UBE2H: variants seen among roughly 807,000 people sequenced by gnomAD.
UBE2H encodes the protein ubiquitin-conjugating enzyme E2 H.
UBE2H carries 3 observed loss-of-function variants against 29.0 expected under a neutral mutation model. The observed-to-expected ratio is 0.10, with a 90% CI of 0.05 to 0.27. UBE2H has a LOEUF of 0.27. Ranked by LOEUF, UBE2H falls within the 10% of genes least tolerant of loss-of-function variation. UBE2H has a pLI of 1.00. For synonymous variants in UBE2H, 69 were observed against 82.9 expected (o/e 0.83, Z 0.91); for missense variants, 68 against 228.2 (o/e 0.30, Z 4.52).
At chr7:129,934,991 A>ATG (rs1259308322) in intron 1 of UBE2H, among the ~76,000 whole-genome samples, 1 of 150,860 alleles carries the variant, frequency 6.6e-6, no homozygotes, top group East Asian at 1.9e-4. Flanking sequence ...GTGTATATAT[A>ATG]TGTGTGTGTA....
At chr7:129,908,268 C>G (rs1330449106) in intron 1 of UBE2H, among the ~76,000 whole-genome samples, 1 of 152,168 alleles carries the variant, frequency 6.6e-6, no homozygotes, top group Admixed American at 6.6e-5. Context: ...TTAAAGCATG[C>G]CCATGAATAA....
intron 5 of UBE2H, among the ~76,000 whole-genome samples, chr7:129,844,758 C>T (rs1195371926): frequency 6.6e-6 from 1 of 152,218 alleles, no homozygotes. Context: ...ACTGACTCTT[C>T]AGTCTGATCT....
Position 129,863,861 on chromosome 7 carries a change from T to A in UBE2H, c.206-4920A>T, listed in dbSNP as rs183164142. ...CTTCGTCACCCAGGCAGGAGTGTGG[T>A]GGTGCAGCACCTTGCTCACTGCAAC... On this transcript the variant is annotated intron_variant, in intron 3 of 6. Coordinates refer to ENST00000355621, the MANE Select transcript of UBE2H (RefSeq NM_003344.4). Among the ~76,000 whole-genome samples the A allele has an allele frequency of 5.1e-3, 747 of 147,796 alleles. 27 individuals carry two copies. Among genetic ancestry groups the A allele is most frequent in the Admixed American group, 0.047 (669 of 14,252 alleles).
intron 1 of UBE2H, among the ~76,000 whole-genome samples, chr7:129,886,505 G>A (rs1011189240): frequency 6.6e-6 from 1 of 152,122 alleles, no homozygotes; most frequent in African/African-American, 2.4e-5. Flanking sequence ...GACAATAACA[G>A]GTCAAGGACC....
intron 1 of UBE2H, among the ~76,000 whole-genome samples, chr7:129,928,880 T>C (rs184063646): frequency 2.3e-3 from 347 of 152,000 alleles, no homozygotes; most frequent in Non-Finnish European, 3.2e-3. Flanking sequence ...CAAATATGAG[T>C]TTTACACTTT....
chr7:129,900,751 CTT>C (rs71704122), intron 1 of UBE2H, among the ~76,000 whole-genome samples: 8,167 of 133,668 alleles, frequency 0.061, 216 homozygotes, highest in Middle Eastern at 0.093. Context: ...TTTCTTTTTC[CTT>C]TTTTTTTTTT....
At chr7:129,946,198 G>A (rs1483667431) in intron 1 of UBE2H, among the ~76,000 whole-genome samples, 1 of 149,994 alleles carries the variant, frequency 6.7e-6, no homozygotes, top group Non-Finnish European at 1.5e-5. Flanking sequence ...GACTACAGGC[G>A]CCCGCCACCA....
intron 1 of UBE2H, among the ~76,000 whole-genome samples, chr7:129,884,541 A>G (rs1159975095): frequency 1.3e-5 from 2 of 152,082 alleles, no homozygotes; most frequent in African/African-American, 4.8e-5. Flanking sequence ...AAGTTTAAAA[A>G]TGGAAACGGT....
chr7:129,916,766 C>G (rs570611362), intron 1 of UBE2H, among the ~76,000 whole-genome samples: 1 of 152,098 alleles, frequency 6.6e-6, no homozygotes, highest in Non-Finnish European at 1.5e-5. Context: ...CGGCTGGGAG[C>G]GGTGGCTCAC....
At chr7:129,862,004 C>A (rs1003865714) in intron 3 of UBE2H, among the ~76,000 whole-genome samples, 2 of 152,198 alleles carry the variant, frequency 1.3e-5, no homozygotes, top group African/African-American at 4.8e-5. Context: ...TATTTGAAAT[C>A]TCGTATCTTA....
chr7:129,939,338 G>A (rs1342541983), intron 1 of UBE2H, among the ~76,000 whole-genome samples: 3 of 152,228 alleles, frequency 2.0e-5, no homozygotes, highest in South Asian at 2.1e-4. Context: ...TGCAACCAGC[G>A]AAAGTGAGCA....
intron 1 of UBE2H, among the ~76,000 whole-genome samples, chr7:129,929,317 CAA>C (rs1255962023): frequency 1.6e-4 from 15 of 91,432 alleles, no homozygotes; most frequent in African/African-American, 1.3e-4. Flanking sequence ...AACTCCATCT[CAA>C]AAAAAAAAAA....
intron 1 of UBE2H, among the ~76,000 whole-genome samples, chr7:129,930,801 C>A (rs11765073): frequency 2.7e-3 from 398 of 149,246 alleles, no homozygotes; most frequent in Non-Finnish European, 4.3e-3. Flanking sequence ...CCAGCTACTC[C>A]GGAGGCTGAG....
chr7:129,909,626 TGGGA>T (rs1391533316), intron 1 of UBE2H, among the ~76,000 whole-genome samples: 1 of 150,684 alleles, frequency 6.6e-6, no homozygotes, highest in Non-Finnish European at 1.5e-5. Context: ...GAGGCTGAGG[TGGGA>T]GGATCACTTG....
chr7:129,874,132 T>C (rs1210394037), intron 3 of UBE2H, among the ~76,000 whole-genome samples: 3 of 152,136 alleles, frequency 2.0e-5, no homozygotes, highest in South Asian at 2.1e-4. Flanking sequence ...CTGTTAATAG[T>C]AGCCAATAAT....
chr7:129,901,972 A>T (rs1287846409), intron 1 of UBE2H, among the ~76,000 whole-genome samples: 1 of 152,100 alleles, frequency 6.6e-6, no homozygotes, highest in Non-Finnish European at 1.5e-5. Flanking sequence ...GGGGAGAGAG[A>T]AGAACAATGT....
In UBE2H at chr7:129,910,150, G is replaced by A. The variant is rs1178606669; in HGVS notation, c.54-29179C>T. 3.9e-5 allele frequency among the ~76,000 whole-genome samples: 6 copies of A among 152,154 alleles called. No homozygotes were observed. In the South Asian group the frequency reaches 6.2e-4, roughly 16 times the overall value. On this transcript the variant is annotated intron_variant, in intron 1 of 6. Transcript: ENST00000355621. ...TCGAGACCAGTCTGGCCAACATGGC[G>A]AAACCCCATCTCTACCAAAAATACA...
In UBE2H at chr7:129,934,638, TAAAAAAAAAA is replaced by T. The variant is rs758214225; in HGVS notation, c.53+17855_53+17864del. 1.1e-4 allele frequency among the ~76,000 whole-genome samples: 7 copies of T among 65,850 alleles called. No individual in the cohort carries two copies. In the South Asian group the frequency reaches 1.6e-3, roughly 15 times the overall value. 43.2% of individuals were successfully genotyped at this position (65,850 alleles called of 152,430 possible). ...GGGCGACAGAGCAAGACTCCGTCTT[TAAAAAAAAAA>T]AAAAAAAAAAAAAAGCTGAAATAAA... is the stretch of plus-strand genomic sequence containing the variant. On this transcript the variant is annotated intron_variant, in intron 1 of 6. Coordinates refer to ENST00000355621, the MANE Select transcript of UBE2H (RefSeq NM_003344.4).
intron 5 of UBE2H, among the ~76,000 whole-genome samples, chr7:129,852,466 C>CAAA (rs138503338): frequency 3.7e-5 from 5 of 135,468 alleles, no homozygotes; most frequent in Admixed American, 1.5e-4. Flanking sequence ...GACTCCGTCT[C>CAAA]AAAAAAAAAA....
Sources: allele counts gnomAD v4.1 joint callset (sites outside exome capture counted in the v4.1 genomes callset), GRCh38; gene constraint gnomAD v4.1.1; transcripts MANE v1.5; gene names NCBI Gene and HGNC (gene_info 2026-07-23, HGNC 2026-07-21).